Variants in ADGRL3 observed in about 807,000 individuals in gnomAD.
ADGRL3 encodes the protein calcium-independent alpha-latrotoxin receptor 3.
ADGRL3 carries 62 observed loss-of-function variants against 153.5 expected under a neutral mutation model. That is an observed-to-expected ratio of 0.40 (90% CI 0.33 to 0.50). The LOEUF (loss-of-function observed/expected upper bound fraction) is 0.50. Ranked by LOEUF, ADGRL3 falls within the 20% of genes least tolerant of loss-of-function variation. The probability of loss-of-function intolerance (pLI) is 0.47; values close to 1 mark genes in which losing one functional copy is unlikely to be tolerated. For synonymous variants in ADGRL3, 710 were observed against 672.5 expected (o/e 1.06, Z -0.86); for missense variants, 1,641 against 1,859.4 (o/e 0.88, Z 2.16).
chr4:61,374,883 A>G (rs1377749184), intron 1 of ADGRL3, among the ~76,000 whole-genome samples: 4 of 152,074 alleles, frequency 2.6e-5, no homozygotes. Flanking sequence ...TTTTTTTTTA[A>G]TGACCAGAGG....
chr4:61,577,986 G>A (rs902781468), intron 4 of ADGRL3, among the ~76,000 whole-genome samples: 1 of 151,896 alleles, frequency 6.6e-6, no homozygotes, highest in Non-Finnish European at 1.5e-5. Context: ...TATGTTTTGT[G>A]CTGTTAAGAA....
In ADGRL3 at chr4:61,650,984, A is replaced by G. The variant is rs569386593; in HGVS notation, c.474-25842A>G. Among the ~76,000 whole-genome samples the G allele has an allele frequency of 2.8e-4, 43 of 152,290 alleles. 1 individual carries two copies. In the South Asian group the frequency reaches 8.7e-3, roughly 31 times the overall value. On this transcript the variant is annotated intron_variant, in intron 5 of 26. Transcript: ENST00000683033. ...TGGACAAAAATAAAAAGAATAATGG[A>G]AAATAGTAAGGAATCAAGGAAATGA...
At chr4:61,463,667 T>TATCA (rs1224126079) in intron 2 of ADGRL3, among the ~76,000 whole-genome samples, 2 of 152,176 alleles carry the variant, frequency 1.3e-5, no homozygotes, top group African/African-American at 4.8e-5. Context: ...TCTAAAATTT[T>TATCA]ATCAGTGATA....
chr4:61,537,795 T>C (rs2098666020), intron 4 of ADGRL3, among the ~76,000 whole-genome samples: 1 of 152,200 alleles, frequency 6.6e-6, no homozygotes, highest in African/African-American at 2.4e-5. Flanking sequence ...ATCAAGTATT[T>C]CCATTTTAAT....
chr4:61,470,392 C>T (rs575385941), intron 2 of ADGRL3, among the ~76,000 whole-genome samples: 1 of 151,928 alleles, frequency 6.6e-6, no homozygotes, highest in Non-Finnish European at 1.5e-5. Flanking sequence ...CATTGGTTTT[C>T]CTACCAGTAA....
chr4:61,620,328 G>T (rs2092411436), intron 5 of ADGRL3, among the ~76,000 whole-genome samples: 1 of 152,118 alleles, frequency 6.6e-6, no homozygotes, highest in Non-Finnish European at 1.5e-5. Flanking sequence ...TGGATGAGTG[G>T]TAACTAATTG....
At chr4:61,657,756 G>A (rs1198818276) in intron 5 of ADGRL3, among the ~76,000 whole-genome samples, 1 of 152,156 alleles carries the variant, frequency 6.6e-6, no homozygotes, top group African/African-American at 2.4e-5. Context: ...TATGCATATT[G>A]CATTGGAAAG....
chr4:61,391,855 C>CTCT (rs1371326874), intron 2 of ADGRL3, among the ~76,000 whole-genome samples: 22 of 93,632 alleles, frequency 2.3e-4, no homozygotes, highest in African/African-American at 9.1e-4. Flanking sequence ...AAAAATGCTA[C>CTCT]TTTTTTTTTT....
intron 3 of ADGRL3, among the ~76,000 whole-genome samples, chr4:61,507,408 C>A (rs1393890321): frequency 6.6e-6 from 1 of 152,114 alleles, no homozygotes; most frequent in Non-Finnish European, 1.5e-5. Flanking sequence ...GATAAAAAAC[C>A]ACCATGTCGA....
At chr4:61,391,855 CTT>C (rs869176171) in intron 2 of ADGRL3, among the ~76,000 whole-genome samples, 2 of 93,654 alleles carry the variant, frequency 2.1e-5, no homozygotes, top group African/African-American at 8.3e-5. Context: ...AAAAATGCTA[CTT>C]TTTTTTTTTT....
intron 21 of ADGRL3, among the ~76,000 whole-genome samples, chr4:62,026,334 G>C (rs1185614845): frequency 1.3e-5 from 2 of 151,944 alleles, no homozygotes; most frequent in Non-Finnish European, 2.9e-5. Flanking sequence ...GTAAAGAGGA[G>C]ACCAATTCCA....
intron 3 of ADGRL3, among the ~76,000 whole-genome samples, chr4:61,499,239 C>T (rs1387069829): frequency 6.6e-6 from 1 of 152,160 alleles, no homozygotes; most frequent in Non-Finnish European, 1.5e-5. Context: ...ATATTTAGTT[C>T]TAACAATTCA....
At chr4:61,307,897 T>A (rs567555606) in intron 1 of ADGRL3, among the ~76,000 whole-genome samples, 2 of 152,298 alleles carry the variant, frequency 1.3e-5, no homozygotes, top group South Asian at 2.1e-4. Context: ...TCTCAACTAA[T>A]TGGAAAATTA....
At chr4:61,233,780 C>T (rs573001594) in intron 1 of ADGRL3, among the ~76,000 whole-genome samples, 1 of 152,094 alleles carries the variant, frequency 6.6e-6, no homozygotes, top group Non-Finnish European at 1.5e-5. Context: ...AGGTAAGAGC[C>T]TAATTCTGGG....
At chr4:61,696,670 C>CTTTTTTTTTTTTT (rs34306284) in intron 6 of ADGRL3, among the ~76,000 whole-genome samples, 4 of 102,012 alleles carry the variant, frequency 3.9e-5, no homozygotes, top group Admixed American at 1.3e-4. Flanking sequence ...TTTTTTTAAC[C>CTTTTTTTTTTTTT]TTTTTTTTTT....
chr4:61,288,665 T>C (rs1383384270), intron 1 of ADGRL3, among the ~76,000 whole-genome samples: 1 of 152,032 alleles, frequency 6.6e-6, no homozygotes, highest in African/African-American at 2.4e-5. Context: ...AGGGGCTGCA[T>C]CACATAGAAC....
intron 1 of ADGRL3, among the ~76,000 whole-genome samples, chr4:61,371,930 C>A (rs892297954): frequency 2.0e-5 from 3 of 152,086 alleles, no homozygotes; most frequent in African/African-American, 7.2e-5. Context: ...TTGCTCTTTT[C>A]TTTTTATTCT....
intron 6 of ADGRL3, among the ~76,000 whole-genome samples, chr4:61,681,807 G>A (rs1051583379): frequency 6.6e-6 from 1 of 151,944 alleles, no homozygotes; most frequent in Non-Finnish European, 1.5e-5. Flanking sequence ...TTACTATTAT[G>A]TAAATAAATA....
intron 1 of ADGRL3, among the ~76,000 whole-genome samples, chr4:61,335,274 A>G (rs2095652498): frequency 6.6e-6 from 1 of 152,118 alleles, no homozygotes; most frequent in East Asian, 1.9e-4. Flanking sequence ...TAAAAGCAGG[A>G]TTTAAAGCAT....
Sources: allele counts gnomAD v4.1 joint callset (sites outside exome capture counted in the v4.1 genomes callset), GRCh38; gene constraint gnomAD v4.1.1; transcripts MANE v1.5; gene names NCBI Gene and HGNC (gene_info 2026-07-23, HGNC 2026-07-21).